RPS6KB1: variants seen among roughly 807,000 people sequenced by gnomAD.
RPS6KB1 encodes the protein ribosomal protein S6 kinase beta-1.
A neutral mutation model predicts 70.2 loss-of-function variants in RPS6KB1; 12 were observed. The observed-to-expected ratio is 0.17, with a 90% CI of 0.11 to 0.28. The LOEUF (loss-of-function observed/expected upper bound fraction) is 0.28, where lower values mean the gene tolerates loss of function less well. Ranked by LOEUF, RPS6KB1 falls within the 10% of genes least tolerant of loss-of-function variation. The probability of loss-of-function intolerance (pLI) is 1.00; values close to 1 mark genes in which losing one functional copy is unlikely to be tolerated. For synonymous variants in RPS6KB1, 175 were observed against 211.2 expected, an observed-to-expected ratio of 0.83 and a Z score of 1.49; for missense variants, 270 against 646.6, an observed-to-expected ratio of 0.42 and a Z score of 6.32.
At chr17:59,932,651 A>C (rs1372394003) in intron 7 of RPS6KB1, among the ~76,000 whole-genome samples, 1 of 150,708 alleles carries the variant, frequency 6.6e-6, no homozygotes. Flanking sequence ...TCCCAGGCTC[A>C]AGTGATCCTT....
Position 59,926,482 on chromosome 17 carries a change from A to G in RPS6KB1, c.429A>G (p.Glu143=). ...NAKDTAHTKA[E]RNILEEVKHP... Reference sequence around the variant, plus strand: ...AAGATACAGCTCATACAAAAGCAGAACGGAATATTCTGGAGGAAGTAAAGC... The same window carrying G: ...AAGATACAGCTCATACAAAAGCAGAGCGGAATATTCTGGAGGAAGTAAAGC... The change falls in exon 5 of 15, where the codon GAA becomes GAG. Residue 143 remains glutamate, a synonymous_variant. Transcript: ENST00000225577. 2 of 1,612,002 alleles carry G rather than the reference A, an allele frequency of 1.2e-6. No homozygotes were observed. Among genetic ancestry groups the G allele is most frequent in the East Asian group, 2.2e-5 (1 of 44,812 alleles).
intron 1 of RPS6KB1, chr17:59,907,428 G>A (rs2042338417): frequency 6.6e-6 from 1 of 152,044 alleles, no homozygotes; most frequent in Non-Finnish European, 1.5e-5. Flanking sequence ...TCTTAACAAT[G>A]TTAAATCTCT....
At chr17:59,918,662 G>A (rs1032504499) in intron 4 of RPS6KB1, among the ~76,000 whole-genome samples, 5 of 151,944 alleles carry the variant, frequency 3.3e-5, no homozygotes, top group East Asian at 1.9e-4. Context: ...GAGCCACCAC[G>A]CCCAGCCTCT....
chr17:59,910,476 T>C (rs1244962075), intron 1 of RPS6KB1, 86 bp from the exon 2 acceptor site: 1 of 812,146 alleles, frequency 1.2e-6, no homozygotes, highest in African/African-American at 1.8e-5. Context: ...ATTTCATTCA[T>C]TCTCTTTCAG....
chr17:59,940,443 T>C (rs2044511445), intron 12 of RPS6KB1, among the ~76,000 whole-genome samples: 1 of 151,966 alleles, frequency 6.6e-6, no homozygotes, highest in African/African-American at 2.4e-5. Flanking sequence ...CACGCCACCA[T>C]GCCTGGCTAA....
intron 1 of RPS6KB1, among the ~76,000 whole-genome samples, chr17:59,898,601 C>T (rs1206779286): frequency 6.6e-6 from 1 of 151,552 alleles, no homozygotes; most frequent in African/African-American, 2.4e-5. Context: ...TTACAGGTGC[C>T]GACTACCACA....
chr17:59,905,665 C>T lies in RPS6KB1; in HGVS notation c.142-4897C>T, dbSNP rs575846155. 7.9e-5 allele frequency among the ~76,000 whole-genome samples: 12 copies of T among 151,894 alleles called. No individual in the cohort carries two copies. The South Asian group carries it at 1.7e-3, about 21-fold the overall frequency. On this transcript the variant is annotated intron_variant, in intron 1 of 14. Coordinates refer to ENST00000225577, the MANE Select transcript of RPS6KB1 (RefSeq NM_003161.4). ...GATTACAGGCTCCCGCCACAATGCC[C>T]GGCTAATTTTTTATATTTTTAGTAG...
In RPS6KB1 at chr17:59,893,313, G is replaced by A; in HGVS notation, c.129G>A (p.Glu43=). The change falls in exon 1 of 15, where the codon GAG becomes GAA. Residue 43 remains glutamate, a synonymous_variant. Transcript: ENST00000225577. This position sits in a 1 kb window ranked among gnomAD's most constrained non-coding sequence, Gnocchi z 4.1. ...CAGAGGACGCGGGCTCTGAGGATGAGCTGGAGGAGGGGGTGAGGCCCGGGG... is the reference window on the plus strand; with the variant it reads ...CAGAGGACGCGGGCTCTGAGGATGAACTGGAGGAGGGGGTGAGGCCCGGGG... ...DQPEDAGSED[E]LEEGGQLNES... The A allele has an allele frequency of 6.2e-7, 1 of 1,609,144 alleles. No homozygotes were observed. Among genetic ancestry groups the A allele is most frequent in the African/African-American group, 1.3e-5 (1 of 74,962 alleles).
At position 59,945,389 on chromosome 17, in the gene RPS6KB1, C is replaced by G. The variant is rs771304642; in HGVS notation, c.1228-17C>G. 48 of 1,393,062 alleles carry G rather than the reference C, an allele frequency of 3.4e-5. No homozygotes were observed. The South Asian group carries it at 5.5e-4, about 16-fold the overall frequency. The allele number at this position is 1,393,062 out of a possible 1,614,324, so 86.3% of individuals were successfully genotyped here. On this transcript the variant is annotated splice_polypyrimidine_tract_variant and intron_variant, in intron 13 of 14. Transcript: ENST00000225577. ...TGACAAAATGCCATTCTGTAGTCCA[C>G]TGTTACTGTCTTTCAGGGTTTTACA...
chr17:59,899,204 C>CA (rs771946273), intron 1 of RPS6KB1, among the ~76,000 whole-genome samples: 3,244 of 118,314 alleles, frequency 0.027, 124 homozygotes, highest in African/African-American at 0.088. Context: ...GACTTCGTCT[C>CA]AGAAAAAAAA....
In RPS6KB1 at chr17:59,949,968, TGAA is replaced by T. The variant is rs1168505449; in HGVS notation, c.*3184_*3186del. Reference sequence around the variant, plus strand: ...ATTCCCATGAGAAATGTTGAATTTATGAAGAATAGATTTTAAGGCTTTGAAAAT... The same window carrying T: ...ATTCCCATGAGAAATGTTGAATTTATGAATAGATTTTAAGGCTTTGAAAAT... On this transcript the variant is annotated 3_prime_UTR_variant, in exon 15 of 15. Coordinates refer to ENST00000225577, the MANE Select transcript of RPS6KB1 (RefSeq NM_003161.4). 1 of 152,564 alleles carries T rather than the reference TGAA, an allele frequency of 6.6e-6. No homozygotes were observed. The highest frequency in any genetic ancestry group is 2.4e-5 in the African/African-American group (1 of 41,464). 9.5% of individuals were successfully genotyped at this position (152,564 alleles called of 1,614,324 possible).
Position 59,909,345 on chromosome 17 carries a change from G to A in RPS6KB1, c.142-1217G>A, listed in dbSNP as rs193078233. ...TGCAGTGGCGTGATCTCGGCTCACCGCAACTTCTGCCTTCTGGGTTCAAGC... is the reference window on the plus strand; with the variant it reads ...TGCAGTGGCGTGATCTCGGCTCACCACAACTTCTGCCTTCTGGGTTCAAGC... On this transcript the variant is annotated intron_variant, in intron 1 of 14. Transcript: ENST00000225577. Among the ~76,000 whole-genome samples, 577 of 133,732 alleles carry A rather than the reference G, an allele frequency of 4.3e-3. 5 individuals carry two copies. The highest frequency in any genetic ancestry group is 9.5e-3 in the Middle Eastern group (2 of 210). 87.7% of individuals were successfully genotyped at this position (133,732 alleles called of 152,430 possible). A position where few individuals can be genotyped will look rare whatever the true frequency, so the allele number is the denominator to read the frequency against.
intron 5 of RPS6KB1, among the ~76,000 whole-genome samples, chr17:59,926,982 G>T (rs2043644487): frequency 6.6e-6 from 1 of 152,156 alleles, no homozygotes; most frequent in African/African-American, 2.4e-5. Flanking sequence ...TAGCCTTAGT[G>T]ATGGGGTATG....
chr17:59,933,675 G>A (rs2044075668), intron 7 of RPS6KB1, among the ~76,000 whole-genome samples: 1 of 152,072 alleles, frequency 6.6e-6, no homozygotes, highest in South Asian at 2.1e-4. Flanking sequence ...GGTAGCATTG[G>A]GCAGAATGAG....
Position 59,947,352 on chromosome 17 carries a change from A to G in RPS6KB1, c.*564A>G. The stretch of plus-strand genomic sequence containing the variant: ...AGATTTTTGATTCAGCTCATTATGA[A>G]AAACATCCCAAACTTTAAAATGCGA... On this transcript the variant is annotated 3_prime_UTR_variant, in exon 15 of 15. Coordinates refer to ENST00000225577, the MANE Select transcript of RPS6KB1 (RefSeq NM_003161.4). 2.6e-6 allele frequency: 3 copies of G among 1,167,340 alleles called. No homozygotes were observed. Among genetic ancestry groups the G allele is most frequent in the Non-Finnish European group, 3.2e-6 (3 of 934,456 alleles). 72.3% of individuals were successfully genotyped at this position (1,167,340 alleles called of 1,614,324 possible).
chr17:59,932,550 CTTT>C (rs11390348), intron 7 of RPS6KB1, among the ~76,000 whole-genome samples: 4 of 130,288 alleles, frequency 3.1e-5, no homozygotes, highest in African/African-American at 2.9e-5. Flanking sequence ...CATCAGGTTA[CTTT>C]TTTTTTTTTT....
intron 1 of RPS6KB1, among the ~76,000 whole-genome samples, chr17:59,908,298 T>G (rs2042386746): frequency 6.6e-6 from 1 of 151,292 alleles, no homozygotes; most frequent in African/African-American, 2.4e-5. Context: ...ATCCAAGAGA[T>G]TCTTCTGCCT....
intron 3 of RPS6KB1, among the ~76,000 whole-genome samples, chr17:59,913,319 C>A (rs1215084695): frequency 6.6e-6 from 1 of 152,156 alleles, no homozygotes; most frequent in Non-Finnish European, 1.5e-5. Context: ...GTTCTGCCCA[C>A]AAAACTTTTT....
At chr17:59,911,365 T>G (rs1291692259) in intron 2 of RPS6KB1, among the ~76,000 whole-genome samples, 1 of 152,044 alleles carries the variant, frequency 6.6e-6, no homozygotes, top group Non-Finnish European at 1.5e-5. Context: ...GGATTCTTTA[T>G]TTTTATTTTT....
Sources: gnomAD v4.1 joint callset for allele counts (sites outside exome capture counted in the v4.1 genomes callset) on GRCh38, gnomAD v4.1.1 for gene constraint, Gnocchi (gnomAD v3.1) non-coding constraint, MANE v1.5 for transcripts, NCBI Gene and HGNC (gene_info 2026-07-23, HGNC 2026-07-21) for gene names.